Variants in MINDY3 observed in about 807,000 individuals in gnomAD.
MINDY3 encodes MINDY lysine 48 deubiquitinase 3.
A neutral mutation model predicts 69.2 loss-of-function variants in MINDY3; 38 were observed. The observed-to-expected ratio is 0.55, with a 90% CI of 0.42 to 0.72. MINDY3 has a LOEUF of 0.72. Among genes scored for constraint, MINDY3 ranks in the 30% least tolerant of loss-of-function variants. The probability of loss-of-function intolerance (pLI) is 0.00; values close to 1 mark genes in which losing one functional copy is unlikely to be tolerated. For synonymous variants in MINDY3, 192 were observed against 180.1 expected (o/e 1.07, Z -0.53); for missense variants, 522 against 519.0 (o/e 1.01, Z -0.06).
chr10:15,829,132 C>T (rs181220578), intron 8 of MINDY3, among the ~76,000 whole-genome samples: 47 of 152,194 alleles, frequency 3.1e-4, no homozygotes, highest in South Asian at 6.2e-4. Flanking sequence ...AGAATGAAGC[C>T]GACTGAGGTA....
chr10:15,796,309 G>GAGAT, intron 10 of MINDY3, 137 bp from the exon 11 acceptor site: 1 of 677,428 alleles, frequency 1.5e-6, no homozygotes. Flanking sequence ...GATGTGTAAC[G>GAGAT]AGATAGGTCA....
At chr10:15,814,357 G>A (rs1839211889) in intron 10 of MINDY3, among the ~76,000 whole-genome samples, 1 of 151,872 alleles carries the variant, frequency 6.6e-6, no homozygotes, top group South Asian at 2.1e-4. Flanking sequence ...ACACAATGAA[G>A]CATCACAATG....
chr10:15,823,311 C>T (rs906408769), intron 8 of MINDY3, among the ~76,000 whole-genome samples: 1 of 152,224 alleles, frequency 6.6e-6, no homozygotes, highest in Non-Finnish European at 1.5e-5. Flanking sequence ...TTAGAGACTA[C>T]GTGAGATCAA....
At chr10:15,802,859 C>T (rs538875539) in intron 10 of MINDY3, among the ~76,000 whole-genome samples, 1 of 151,598 alleles carries the variant, frequency 6.6e-6, no homozygotes, top group Non-Finnish European at 1.5e-5. Flanking sequence ...TCATATACTA[C>T]TAACAGCTAA....
Position 15,789,239 on chromosome 10 carries a change from T to G in MINDY3, c.1028+8A>C. 1.2e-6 allele frequency: 2 copies of G among 1,601,744 alleles called. No homozygotes were observed. Among genetic ancestry groups the G allele is most frequent in the Non-Finnish European group, 8.5e-7 (1 of 1,169,716 alleles). ...AGTTGGCTAAATAACACTTCCTATTTAGCTTACTATTCAGGATCTGAAACA... is the reference window on the plus strand; with the variant it reads ...AGTTGGCTAAATAACACTTCCTATTGAGCTTACTATTCAGGATCTGAAACA... On this transcript the variant is annotated splice_region_variant and intron_variant, in intron 12 of 14. Coordinates refer to ENST00000277632, the MANE Select transcript of MINDY3 (RefSeq NM_024948.4).
chr10:15,837,152 C>A, intron 6 of MINDY3, 52 bp downstream of exon 6: 1 of 972,154 alleles, frequency 1.0e-6, no homozygotes, highest in Non-Finnish European at 1.6e-6. Flanking sequence ...GCAGGAAAAA[C>A]AGCACTGAAC....
At chr10:15,841,301 A>G (rs2132087218) in intron 4 of MINDY3, 125 bp downstream of exon 4, 1 of 725,808 alleles carries the variant, frequency 1.4e-6, no homozygotes. Context: ...CTCAGTAATT[A>G]AGCTTAAGCT....
chr10:15,835,282 T>C (rs113955738), intron 6 of MINDY3, among the ~76,000 whole-genome samples: 51 of 152,252 alleles, frequency 3.3e-4, no homozygotes, highest in African/African-American at 1.2e-3. Context: ...CTACTTATTG[T>C]AACCTCATCA....
chr10:15,816,293 AAAAT>A (rs1219889560), intron 10 of MINDY3, among the ~76,000 whole-genome samples: 2 of 151,570 alleles, frequency 1.3e-5, no homozygotes, highest in Non-Finnish European at 2.9e-5. Flanking sequence ...AAAAAGAAAA[AAAAT>A]AAAAAAGACA....
chr10:15,821,618 A>T, intron 9 of MINDY3, 38 bp downstream of exon 9: 1 of 1,524,494 alleles, frequency 6.6e-7, no homozygotes. Flanking sequence ...TGGACATCTA[A>T]ACAAAAAACA....
chr10:15,837,646 G>C (rs952643638), intron 5 of MINDY3: 1 of 1,185,242 alleles, frequency 8.4e-7, no homozygotes, highest in East Asian at 6.6e-5. Context: ...TGTAAGAGGG[G>C]GTAAACACAA....
intron 10 of MINDY3, among the ~76,000 whole-genome samples, chr10:15,801,623 C>G (rs1158573877): frequency 6.6e-6 from 1 of 152,004 alleles, no homozygotes; most frequent in Non-Finnish European, 1.5e-5. Context: ...CCTTGAGGCT[C>G]ATTACACACA....
chr10:15,836,375 A>C (rs1171574660), intron 6 of MINDY3, among the ~76,000 whole-genome samples: 4 of 152,022 alleles, frequency 2.6e-5, no homozygotes, highest in African/African-American at 9.7e-5. Flanking sequence ...CCAAACGCCA[A>C]AACACACTGC....
chr10:15,843,252 G>A lies in MINDY3; in HGVS notation c.195C>T (p.Leu65=). 6.2e-7 allele frequency: 1 copy of A among 1,612,694 alleles called. No homozygotes were observed. Among genetic ancestry groups the A allele is most frequent in the Non-Finnish European group, 8.5e-7 (1 of 1,178,890 alleles). The part of the protein sequence containing the change: ...APVQAFLLKK[L]LFSSEKSSWR... Reference sequence around the variant, plus strand: ...AAGAAGACTTCTCCGAAGAAAACAGGAGCTTCTTCAAAAGAAATGCCTTTA... The same window carrying A: ...AAGAAGACTTCTCCGAAGAAAACAGAAGCTTCTTCAAAAGAAATGCCTTTA... The change falls in exon 3 of 15, where the codon CTC becomes CTT. Residue 65 remains leucine, a synonymous_variant. Transcript: ENST00000277632.
chr10:15,810,899 G>A (rs1437262381), intron 10 of MINDY3, among the ~76,000 whole-genome samples: 2 of 152,052 alleles, frequency 1.3e-5, no homozygotes, highest in Admixed American at 6.6e-5. Context: ...CTGAACAGAC[G>A]TTTATCCAAA....
chr10:15,797,092 A>G (rs969714685), intron 10 of MINDY3, among the ~76,000 whole-genome samples: 1 of 152,032 alleles, frequency 6.6e-6, no homozygotes, highest in Non-Finnish European at 1.5e-5. Flanking sequence ...TGTGAACACA[A>G]TTTTTGCAAG....
Position 15,860,261 on chromosome 10 carries a change from C to G in MINDY3, c.39G>C (p.Trp13Cys), listed in dbSNP as rs1224395499. 6.2e-7 allele frequency: 1 copy of G among 1,610,732 alleles called. No homozygotes were observed. Among genetic ancestry groups the G allele is most frequent in the Non-Finnish European group, 8.5e-7 (1 of 1,178,644 alleles). ...AGAGACCGGGGCTGCTCTTGGTGCC[C>G]CACACCAGCTCCATCAGCTCTTTAG... ...ELTKELMELV[W>C]GTKSSPGLSD... Residue 13 changes from tryptophan to cysteine, a missense_variant, in exon 1 of 15, where the codon TGG becomes TGC. Transcript: ENST00000277632.
intron 1 of MINDY3, among the ~76,000 whole-genome samples, chr10:15,857,018 C>T (rs1834737703): frequency 6.6e-6 from 1 of 152,264 alleles, no homozygotes; most frequent in East Asian, 1.9e-4. Context: ...TAGTATCTCT[C>T]CTTTGCTTCA....
chr10:15,824,791 T>A (rs768392145), intron 8 of MINDY3, among the ~76,000 whole-genome samples: 2 of 152,236 alleles, frequency 1.3e-5, no homozygotes, highest in Non-Finnish European at 2.9e-5. Context: ...ATCATGTTAC[T>A]AAATACAGCA....
Sources: gnomAD v4.1 joint callset for allele counts (sites outside exome capture counted in the v4.1 genomes callset) on GRCh38, gnomAD v4.1.1 for gene constraint, MANE v1.5 for transcripts, NCBI Gene and HGNC (gene_info 2026-07-23, HGNC 2026-07-21) for gene names.